The following PDK1 variants were observed in gnomAD, a reference collection of about 807,000 sequenced individuals.
The protein encoded by PDK1 is pyruvate dehydrogenase kinase 1.
Under a neutral mutation model 54.2 loss-of-function variants are expected in PDK1, and 39 were observed. That is an observed-to-expected ratio of 0.72 (90% CI 0.56 to 0.94). The LOEUF (loss-of-function observed/expected upper bound fraction) is 0.94. Among genes scored for constraint, PDK1 ranks in the 40% least tolerant of loss-of-function variants. The pLI is 0.00. For synonymous variants in PDK1, 221 were observed against 207.1 expected (o/e 1.07, Z -0.58); for missense variants, 552 against 566.0 (o/e 0.98, Z 0.25).
the PDK1 span, among the ~76,000 whole-genome samples, chr2:172,662,733 C>A: frequency 1.3e-5 from 2 of 152,142 alleles, no homozygotes; most frequent in Non-Finnish European, 2.9e-5. Context: ...CAAAGCACTT[C>A]TTTGCAGCTA....
intron 1 of PDK1, among the ~76,000 whole-genome samples, chr2:172,557,946 G>T (rs1688439414): frequency 6.6e-6 from 1 of 151,888 alleles, no homozygotes; most frequent in East Asian, 1.9e-4. Context: ...TCAAATTTCA[G>T]CCTGAGCCTC....
chr2:172,665,463 G>T, the PDK1 span, among the ~76,000 whole-genome samples: 2 of 152,126 alleles, frequency 1.3e-5, no homozygotes, highest in African/African-American at 4.8e-5. Context: ...TAATTATTTT[G>T]AAGTTTGGAC....
chr2:172,570,828 A>G lies in PDK1; in HGVS notation c.945+4A>G, dbSNP rs2149231286. On this transcript the variant is annotated splice_donor_region_variant and intron_variant, in intron 8 of 10. Coordinates refer to ENST00000282077, the MANE Select transcript of PDK1 (RefSeq NM_002610.5). Reference sequence around the variant, plus strand: ...TAATGAGGATTTGACTGTGAAGGTAAATGTGTTTAATGGTTTGTTTTCTTT... The same window carrying G: ...TAATGAGGATTTGACTGTGAAGGTAGATGTGTTTAATGGTTTGTTTTCTTT... 1.9e-6 allele frequency: 3 copies of G among 1,538,524 alleles called. No individual in the cohort carries two copies. The East Asian group carries it at 6.7e-5, about 35-fold the overall frequency.
the PDK1 span, among the ~76,000 whole-genome samples, chr2:172,669,014 G>T: frequency 1.4e-5 from 2 of 145,280 alleles, no homozygotes; most frequent in African/African-American, 2.5e-5. Flanking sequence ...ATGTCCCCTA[G>T]CTTCATCCAT....
At chr2:172,700,369 C>CTGCCG in the PDK1 span, among the ~76,000 whole-genome samples, 2 of 146,982 alleles carry the variant, frequency 1.4e-5, no homozygotes, top group African/African-American at 2.5e-5. Context: ...GACGGGGTGG[C>CTGCCG]GGCGGGGCAG....
the PDK1 span, among the ~76,000 whole-genome samples, chr2:172,638,248 T>C: frequency 4.6e-5 from 7 of 151,236 alleles, no homozygotes. Context: ...CATTTTATTA[T>C]CATGAATGAA....
At chr2:172,704,169 A>G in the PDK1 span, among the ~76,000 whole-genome samples, 2 of 152,042 alleles carry the variant, frequency 1.3e-5, no homozygotes, top group African/African-American at 2.4e-5. Flanking sequence ...CTTCCCCTCT[A>G]TTTATTCTTA....
At chr2:172,639,774 T>A in the PDK1 span, among the ~76,000 whole-genome samples, 1 of 152,152 alleles carries the variant, frequency 6.6e-6, no homozygotes, top group Non-Finnish European at 1.5e-5. Context: ...TAGTGCCATC[T>A]TTTGGGCATG....
intron 3 of PDK1, chr2:172,563,908 G>A (rs1688792293): frequency 7.1e-6 from 3 of 420,156 alleles, no homozygotes; most frequent in Non-Finnish European, 1.5e-5. Flanking sequence ...GACAGAGATG[G>A]GAAGACTAGA....
At chr2:172,558,426 T>C (rs1688469943) in intron 1 of PDK1, among the ~76,000 whole-genome samples, 1 of 152,208 alleles carries the variant, frequency 6.6e-6, no homozygotes, top group Non-Finnish European at 1.5e-5. Context: ...CTAAAATGGG[T>C]GATCACTTTA....
the PDK1 span, among the ~76,000 whole-genome samples, chr2:172,717,778 TCTC>T: frequency 6.6e-6 from 1 of 152,198 alleles, no homozygotes; most frequent in Non-Finnish European, 1.5e-5. Flanking sequence ...GTGTTTCCAC[TCTC>T]CTCCTACCCA....
intron 6 of PDK1, 25 bp downstream of exon 6, chr2:172,566,958 C>T (rs1326297613): frequency 1.4e-6 from 2 of 1,436,682 alleles, no homozygotes; most frequent in Non-Finnish European, 2.0e-6. Flanking sequence ...GTCTTTTTCT[C>T]AATAATTAGT....
chr2:172,704,762 T>C, the PDK1 span, among the ~76,000 whole-genome samples: 2 of 152,182 alleles, frequency 1.3e-5, no homozygotes, highest in African/African-American at 4.8e-5. Context: ...AGACAGACGC[T>C]CTCCCTCATC....
intron 4 of PDK1, 84 bp from the exon 5 acceptor site, chr2:172,564,894 G>A (rs1688852322): frequency 2.0e-6 from 2 of 1,009,666 alleles, no homozygotes; most frequent in African/African-American, 3.2e-5. Flanking sequence ...TGTTCTGTTT[G>A]GTACAATTTA....
the PDK1 span, among the ~76,000 whole-genome samples, chr2:172,688,708 A>C: frequency 4.6e-5 from 7 of 152,158 alleles, no homozygotes; most frequent in African/African-American, 1.7e-4. Context: ...TAGGGAGAAA[A>C]TTAGCCTCAG....
chr2:172,621,176 G>T, the PDK1 span, among the ~76,000 whole-genome samples: 1 of 152,148 alleles, frequency 6.6e-6, no homozygotes, highest in African/African-American at 2.4e-5. Flanking sequence ...CGATTGGATT[G>T]AAGGATGCAA....
chr2:172,617,578 A>G, the PDK1 span, among the ~76,000 whole-genome samples: 1 of 152,122 alleles, frequency 6.6e-6, no homozygotes, highest in Admixed American at 6.5e-5. Context: ...CATATGGCAG[A>G]AGACCGAGAC....
rs1274643991 is a variant in PDK1 at position 172,598,269 on chromosome 2, T to A, written c.*2300T>A. The A allele has an allele frequency of 6.6e-6, 1 of 152,242 alleles. No individual in the cohort carries two copies. Among genetic ancestry groups the A allele is most frequent in the Non-Finnish European group, 1.5e-5 (1 of 68,040 alleles). The allele number at this position is 152,242 out of a possible 1,614,324, so 9.4% of individuals were successfully genotyped here. A position where few individuals can be genotyped will look rare whatever the true frequency, so the allele number is the denominator to read the frequency against. On this transcript the variant is annotated 3_prime_UTR_variant, in exon 11 of 11. Transcript: ENST00000282077. ...AATATTCTCCTCCCCCAAGAAAATT[T>A]AAACTTTTTCTCTCTATTTAAAAGC... is the stretch of plus-strand genomic sequence containing the variant.
chr2:172,721,584 C>T, the PDK1 span, among the ~76,000 whole-genome samples: 1 of 152,310 alleles, frequency 6.6e-6, no homozygotes, highest in African/African-American at 2.4e-5. Context: ...GTAATCTGCC[C>T]ACCTCAGCCT....
Sources: gnomAD v4.1 joint callset for allele counts (sites outside exome capture counted in the v4.1 genomes callset) on GRCh38, gnomAD v4.1.1 for gene constraint, MANE v1.5 for transcripts, NCBI Gene and HGNC (gene_info 2026-07-23, HGNC 2026-07-21) for gene names.